The following TRHDE variants were observed in gnomAD, a reference collection of about 807,000 sequenced individuals.
TRHDE encodes the protein thyrotropin releasing hormone degrading enzyme.
Under a neutral mutation model 125.7 loss-of-function variants are expected in TRHDE, and 72 were observed. The observed-to-expected ratio is 0.57, with a 90% CI of 0.47 to 0.70. The LOEUF (loss-of-function observed/expected upper bound fraction) is 0.70. Among genes scored for constraint, TRHDE ranks in the 30% least tolerant of loss-of-function variants. The probability of loss-of-function intolerance (pLI) is 0.00; values close to 1 mark genes in which losing one functional copy is unlikely to be tolerated. For synonymous variants in TRHDE, 509 were observed against 509.1 expected, an observed-to-expected ratio of 1.00 and a Z score of 0.00; for missense variants, 1,110 against 1,327.1, an observed-to-expected ratio of 0.84 and a Z score of 2.54.
At chr12:72,228,493 G>A (rs996403448) in intron 2 of TRHDE, among the ~76,000 whole-genome samples, 2 of 152,302 alleles carry the variant, frequency 1.3e-5, no homozygotes, top group African/African-American at 2.4e-5. Flanking sequence ...AGGCCTCTGG[G>A]CCTGTGATGG....
In TRHDE at chr12:72,456,176, C is replaced by CAG. The variant is rs1555187731; in HGVS notation, c.1316-13578_1316-13577dup. Among the ~76,000 whole-genome samples, 980 of 140,490 alleles carry CAG rather than the reference C, an allele frequency of 7.0e-3. 30 individuals are homozygous for CAG. Among genetic ancestry groups the CAG allele is most frequent in the East Asian group, 0.028 (132 of 4,686 alleles). 92.2% of individuals were successfully genotyped at this position (140,490 alleles called of 152,430 possible). On this transcript the variant is annotated intron_variant, in intron 3 of 18. Transcript: ENST00000261180. ...ACACACACACACACACACACACACA[C>CAG]AGAGACTCAGAGAGTTGGACATATG... is the stretch of plus-strand genomic sequence containing the variant.
intron 2 of TRHDE, among the ~76,000 whole-genome samples, chr12:72,143,443 G>C (rs1226628335): frequency 6.6e-6 from 1 of 151,978 alleles, no homozygotes; most frequent in East Asian, 1.9e-4. Context: ...AAAAGGGAGA[G>C]AGCATTCTGT....
At chr12:72,409,010 A>G (rs1421201909) in intron 3 of TRHDE, among the ~76,000 whole-genome samples, 1 of 152,220 alleles carries the variant, frequency 6.6e-6, no homozygotes, top group East Asian at 1.9e-4. Context: ...CCTGAACAGA[A>G]CAAATACTAG....
At chr12:72,094,567 C>G (rs959908218) in intron 1 of TRHDE, among the ~76,000 whole-genome samples, 2 of 152,216 alleles carry the variant, frequency 1.3e-5, no homozygotes, top group Admixed American at 6.5e-5. Flanking sequence ...CCTGTATAGG[C>G]AGGATTGGTC....
chr12:72,238,293 T>C (rs188750377), intron 2 of TRHDE, among the ~76,000 whole-genome samples: 9 of 30,132 alleles, frequency 3.0e-4, no homozygotes, highest in Non-Finnish European at 4.9e-4. Flanking sequence ...TATATATATA[T>C]ATATATATAT....
intron 15 of TRHDE, among the ~76,000 whole-genome samples, chr12:72,629,196 C>A (rs1187723708): frequency 6.6e-6 from 1 of 151,734 alleles, no homozygotes. Context: ...CACTTGTATT[C>A]CTTTTCCTAA....
At chr12:72,090,818 T>C (rs1235136766) in intron 1 of TRHDE, among the ~76,000 whole-genome samples, 1 of 152,112 alleles carries the variant, frequency 6.6e-6, no homozygotes, top group African/African-American at 2.4e-5. Flanking sequence ...TGTGCATGTT[T>C]TATTTTTAGT....
At chr12:72,152,729 C>G (rs1377015487) in intron 2 of TRHDE, among the ~76,000 whole-genome samples, 1 of 152,220 alleles carries the variant, frequency 6.6e-6, no homozygotes, top group African/African-American at 2.4e-5. Context: ...ACCAGCCTTG[C>G]ATCCCAGGGA....
At chr12:72,632,046 T>G (rs993635978) in intron 15 of TRHDE, among the ~76,000 whole-genome samples, 1 of 152,102 alleles carries the variant, frequency 6.6e-6, no homozygotes, top group East Asian at 1.9e-4. Flanking sequence ...ACAATTGCTA[T>G]AAATCATCCT....
intron 2 of TRHDE, among the ~76,000 whole-genome samples, chr12:72,154,900 T>C (rs1876465893): frequency 6.6e-6 from 1 of 152,200 alleles, no homozygotes; most frequent in African/African-American, 2.4e-5. Context: ...AGGAGTATCT[T>C]TGTGGCATTC....
intron 2 of TRHDE, among the ~76,000 whole-genome samples, chr12:72,222,974 T>C (rs995052963): frequency 6.6e-6 from 1 of 152,096 alleles, no homozygotes; most frequent in Admixed American, 6.6e-5. Context: ...TAATATCTTT[T>C]ATCAAAGGGT....
chr12:72,304,838 T>C (rs1868316429), intron 2 of TRHDE, among the ~76,000 whole-genome samples: 1 of 152,220 alleles, frequency 6.6e-6, no homozygotes. Flanking sequence ...CTCCAGGCTA[T>C]GATTGACTTT....
At chr12:72,640,113 C>T (rs907196690) in intron 15 of TRHDE, among the ~76,000 whole-genome samples, 13 of 152,226 alleles carry the variant, frequency 8.5e-5, no homozygotes, top group Admixed American at 1.3e-4. Flanking sequence ...CTCGCTGCCG[C>T]CTTGCAGTTT....
chr12:72,362,914 A>C (rs901380427), intron 2 of TRHDE, among the ~76,000 whole-genome samples: 1 of 151,950 alleles, frequency 6.6e-6, no homozygotes, highest in Non-Finnish European at 1.5e-5. Context: ...GTTCTGTTCC[A>C]TTGATCTATA....
intron 6 of TRHDE, among the ~76,000 whole-genome samples, chr12:72,507,733 G>C (rs1009784315): frequency 7.2e-5 from 11 of 152,212 alleles, no homozygotes; most frequent in Middle Eastern, 3.2e-3. Flanking sequence ...AAGAAGAGCT[G>C]AATGTCAATA....
intron 5 of TRHDE, among the ~76,000 whole-genome samples, chr12:72,476,916 T>G (rs889922299): frequency 2.6e-5 from 4 of 152,128 alleles, no homozygotes; most frequent in African/African-American, 4.8e-5. Flanking sequence ...TATGATAAAA[T>G]TATCACAATA....
chr12:72,514,116 A>ATACAGACAC (rs1221764725), intron 6 of TRHDE, among the ~76,000 whole-genome samples: 1 of 152,106 alleles, frequency 6.6e-6, no homozygotes, highest in East Asian at 1.9e-4. Flanking sequence ...CCCAGACACC[A>ATACAGACAC]TACAGACACT....
At chr12:72,149,634 G>C (rs1039929726) in intron 2 of TRHDE, among the ~76,000 whole-genome samples, 1 of 150,976 alleles carries the variant, frequency 6.6e-6, no homozygotes, top group Non-Finnish European at 1.5e-5. Context: ...AATAATACAT[G>C]TTTATTGTAA....
intron 3 of TRHDE, among the ~76,000 whole-genome samples, chr12:72,401,740 AT>A (rs923911646): frequency 6.6e-6 from 1 of 152,142 alleles, no homozygotes; most frequent in Admixed American, 6.5e-5. Context: ...ATAGAAATAG[AT>A]GAGCAAGGAG....
Sources: allele counts gnomAD v4.1 joint callset (sites outside exome capture counted in the v4.1 genomes callset), GRCh38; gene constraint gnomAD v4.1.1; transcripts MANE v1.5; gene names NCBI Gene and HGNC (gene_info 2026-07-23, HGNC 2026-07-21).